STPG2: variants seen among roughly 807,000 people sequenced by gnomAD.
STPG2 encodes the protein sperm-tail PG-rich repeat-containing protein 2.
STPG2 carries 56 observed loss-of-function variants against 54.2 expected under a neutral mutation model. That is an observed-to-expected ratio of 1.03 (90% CI 0.83 to 1.29). The LOEUF (loss-of-function observed/expected upper bound fraction) is 1.29, where lower values mean the gene tolerates loss of function less well. Ranked by LOEUF, STPG2 falls within the 50% of genes most tolerant of loss-of-function variation. The pLI, the probability that STPG2 is intolerant of heterozygous loss-of-function variation, is 0.00. For missense variants in STPG2, 596 were observed against 544.9 expected (o/e 1.09, Z -0.93); for synonymous variants, 200 against 181.8 (o/e 1.10, Z -0.81).
chr4:97,918,245 C>T (rs899255690), intron 8 of STPG2, among the ~76,000 whole-genome samples: 2 of 152,006 alleles, frequency 1.3e-5, no homozygotes, highest in Admixed American at 6.6e-5. Flanking sequence ...AAAACTAGTT[C>T]ATAAAAATAG....
intron 5 of STPG2, chr4:98,025,455 G>A: frequency 4.2e-6 from 2 of 475,950 alleles, no homozygotes; most frequent in Non-Finnish European, 8.0e-6. Context: ...AGAAGACGAG[G>A]AAAGGGTAAA....
intron 10 of STPG2, among the ~76,000 whole-genome samples, chr4:97,662,024 C>A (rs182470720): frequency 6.6e-6 from 1 of 151,988 alleles, no homozygotes; most frequent in African/African-American, 2.4e-5. Flanking sequence ...GTTCTATGAA[C>A]CTCGACACAT....
chr4:97,571,986 G>A (rs1221061701), intron 10 of STPG2, among the ~76,000 whole-genome samples: 1 of 152,094 alleles, frequency 6.6e-6, no homozygotes, highest in South Asian at 2.1e-4. Context: ...TTCACCATTT[G>A]CTACACAATG....
rs749505791 is a variant in STPG2, at chr4:97,953,134, G to A, written c.934-9127C>T. 5.3e-5 allele frequency among the ~76,000 whole-genome samples: 8 copies of A among 152,292 alleles called. No homozygotes were observed. The East Asian group carries it at 9.7e-4, about 18-fold the overall frequency. ...TGGGGGCTCCATCAGGTAGCTCCAC[G>A]CTCTGACTCTACCCATGCAGGGCAG... On this transcript the variant is annotated intron_variant, in intron 7 of 10. Transcript: ENST00000295268.
intron 8 of STPG2, among the ~76,000 whole-genome samples, chr4:97,940,429 G>T (rs543750807): frequency 6.6e-6 from 1 of 152,258 alleles, no homozygotes; most frequent in East Asian, 1.9e-4. Flanking sequence ...CCCTTTCAGG[G>T]ATGCCAGTGA....
At chr4:97,475,368 T>C (rs1459564585) in intron 4 of STPG2, among the ~76,000 whole-genome samples, 1 of 151,524 alleles carries the variant, frequency 6.6e-6, no homozygotes, top group Non-Finnish European at 1.5e-5. Context: ...AGGTGTGTTA[T>C]GACTTTTTCT....
intron 8 of STPG2, among the ~76,000 whole-genome samples, chr4:97,905,444 C>G (rs955753773): frequency 6.6e-6 from 1 of 151,976 alleles, no homozygotes; most frequent in African/African-American, 2.4e-5. Context: ...CCTAAAAGAG[C>G]TCCTGAAGGA....
intron 3 of STPG2, among the ~76,000 whole-genome samples, chr4:98,120,370 C>T (rs371592279): frequency 6.6e-5 from 10 of 152,104 alleles, no homozygotes; most frequent in Non-Finnish European, 1.2e-4. Flanking sequence ...TGAGCCACCA[C>T]GCCCAGCCAC....
chr4:98,017,217 C>T (rs541256465), intron 5 of STPG2, among the ~76,000 whole-genome samples: 10 of 152,332 alleles, frequency 6.6e-5, no homozygotes, highest in East Asian at 5.8e-4. Context: ...CGGCTTTTTG[C>T]CTGGGTCTTC....
chr4:97,504,134 T>A (rs1396064001), intron 4 of STPG2, among the ~76,000 whole-genome samples: 1 of 145,922 alleles, frequency 6.9e-6, no homozygotes, highest in Non-Finnish European at 1.5e-5. Context: ...ATATTTTATT[T>A]TATTTAATAT....
At chr4:97,689,087 G>A (rs1240122024) in intron 10 of STPG2, among the ~76,000 whole-genome samples, 1 of 152,082 alleles carries the variant, frequency 6.6e-6, no homozygotes, top group East Asian at 1.9e-4. Flanking sequence ...ACAACTGAAT[G>A]TGCTGTCTGA....
intron 5 of STPG2, among the ~76,000 whole-genome samples, chr4:97,988,055 C>T (rs1368929306): frequency 6.6e-6 from 1 of 151,684 alleles, no homozygotes; most frequent in Non-Finnish European, 1.5e-5. Context: ...CACACACACA[C>T]ACACACACAC....
At chr4:97,964,392 A>C (rs1734011705) in intron 7 of STPG2, among the ~76,000 whole-genome samples, 1 of 152,188 alleles carries the variant, frequency 6.6e-6, no homozygotes. Context: ...AGGATGTACA[A>C]TCATCCTTAA....
At chr4:98,078,542 C>A (rs963660684) in intron 5 of STPG2, among the ~76,000 whole-genome samples, 1 of 149,454 alleles carries the variant, frequency 6.7e-6, no homozygotes, top group East Asian at 1.9e-4. Flanking sequence ...TGACCCTGAA[C>A]GTTAATGAAC....
downstream of STPG2, among the ~76,000 whole-genome samples, chr4:97,555,735 T>G (rs1207216834): frequency 6.6e-6 from 1 of 152,106 alleles, no homozygotes; most frequent in South Asian, 2.1e-4. Flanking sequence ...AAGTCCCACC[T>G]AAACAGAAAC....
chr4:97,661,501 G>T (rs908734255), intron 10 of STPG2, among the ~76,000 whole-genome samples: 9 of 152,104 alleles, frequency 5.9e-5, no homozygotes, highest in African/African-American at 1.9e-4. Context: ...TATACTGTCT[G>T]GGGCTGAAAG....
intron 9 of STPG2, among the ~76,000 whole-genome samples, chr4:97,765,268 A>T (rs1726006945): frequency 6.6e-6 from 1 of 152,172 alleles, no homozygotes; most frequent in African/African-American, 2.4e-5. Context: ...GTACTGTTCA[A>T]TCCAGGAAAC....
intron 4 of STPG2, among the ~76,000 whole-genome samples, chr4:97,468,920 C>A (rs182954800): frequency 1.3e-5 from 2 of 152,034 alleles, no homozygotes; most frequent in East Asian, 3.9e-4. Flanking sequence ...AGCTCTCCCC[C>A]CTTGATTATC....
intron 8 of STPG2, among the ~76,000 whole-genome samples, chr4:97,942,468 G>T (rs569794482): frequency 6.7e-6 from 1 of 149,030 alleles, no homozygotes; most frequent in African/African-American, 2.5e-5. Context: ...TACATGTAAA[G>T]AATATTGCTA....
Sources: gnomAD v4.1 joint callset for allele counts (sites outside exome capture counted in the v4.1 genomes callset) on GRCh38, gnomAD v4.1.1 for gene constraint, MANE v1.5 for transcripts, NCBI Gene and HGNC (gene_info 2026-07-23, HGNC 2026-07-21) for gene names.